Variants in CCSER1 observed in about 807,000 individuals in gnomAD.
The protein encoded by CCSER1 is serine-rich coiled-coil domain-containing protein 1.
A neutral mutation model predicts 82.0 loss-of-function variants in CCSER1; 41 were observed. The observed-to-expected ratio is 0.50, with a 90% CI of 0.39 to 0.65. The LOEUF is 0.65. CCSER1 is among the 30% of genes least tolerant of loss of function. The pLI is 0.00. For missense variants in CCSER1, 1,119 were observed against 1,064.2 expected (o/e 1.05, Z -0.72); for synonymous variants, 414 against 383.9 (o/e 1.08, Z -0.92).
intron 10 of CCSER1, among the ~76,000 whole-genome samples, chr4:91,439,127 A>G (rs1754915986): frequency 6.6e-6 from 1 of 152,210 alleles, no homozygotes; most frequent in African/African-American, 2.4e-5. Flanking sequence ...GGAAATACAG[A>G]GAACGCCACA....
At chr4:91,482,187 G>A (rs1175398170) in intron 10 of CCSER1, among the ~76,000 whole-genome samples, 1 of 149,544 alleles carries the variant, frequency 6.7e-6, no homozygotes, top group East Asian at 2.0e-4. Context: ...TGGATCATGA[G>A]GTCAGGAGAT....
At chr4:91,432,800 G>GT (rs1754408267) in intron 10 of CCSER1, among the ~76,000 whole-genome samples, 1 of 151,924 alleles carries the variant, frequency 6.6e-6, no homozygotes, top group East Asian at 1.9e-4. Context: ...TATATTTCCC[G>GT]TTTTAAAAAA....
At chr4:90,689,235 G>A (rs953489040) in intron 6 of CCSER1, among the ~76,000 whole-genome samples, 7 of 152,058 alleles carry the variant, frequency 4.6e-5, no homozygotes, top group Non-Finnish European at 8.8e-5. Flanking sequence ...CTGGAGAGGG[G>A]AAGCAGGATT....
chr4:90,385,688 C>T (rs1223896792), intron 3 of CCSER1, among the ~76,000 whole-genome samples: 1 of 151,812 alleles, frequency 6.6e-6, no homozygotes, highest in African/African-American at 2.4e-5. Context: ...GTCTTGATCT[C>T]CTGACCTTGT....
At chr4:90,301,567 T>G (rs1733118918) in intron 1 of CCSER1, among the ~76,000 whole-genome samples, 1 of 152,178 alleles carries the variant, frequency 6.6e-6, no homozygotes, top group Admixed American at 6.5e-5. Context: ...AGCATTAAAG[T>G]TATAATTAAA....
At chr4:91,199,883 AC>A (rs1200078155) in intron 10 of CCSER1, among the ~76,000 whole-genome samples, 1 of 152,054 alleles carries the variant, frequency 6.6e-6, no homozygotes, top group Non-Finnish European at 1.5e-5. Context: ...AAGATAATTT[AC>A]CATGCTATTC....
At chr4:90,841,971 G>A (rs181512324) in intron 8 of CCSER1, among the ~76,000 whole-genome samples, 1 of 152,106 alleles carries the variant, frequency 6.6e-6, no homozygotes, top group Admixed American at 6.5e-5. Flanking sequence ...ACATTCTGCT[G>A]TCTGTCTTTT....
chr4:90,474,089 C>T (rs182008940), intron 5 of CCSER1, among the ~76,000 whole-genome samples: 2 of 148,836 alleles, frequency 1.3e-5, no homozygotes, highest in Admixed American at 6.7e-5. Flanking sequence ...TGCAGTGAGC[C>T]GAGATTGCGC....
chr4:90,856,585 CT>C (rs1764487042), intron 8 of CCSER1, among the ~76,000 whole-genome samples: 1 of 152,042 alleles, frequency 6.6e-6, no homozygotes, highest in African/African-American at 2.4e-5. Context: ...AAATAACCAT[CT>C]TCCCCGACGT....
intron 5 of CCSER1, among the ~76,000 whole-genome samples, chr4:90,506,982 C>A (rs187141996): frequency 8.5e-5 from 13 of 152,198 alleles, no homozygotes; most frequent in Admixed American, 7.2e-4. Context: ...CGTTTCAGTT[C>A]TCTTGTCTCA....
At chr4:90,715,608 T>C (rs919873125) in intron 6 of CCSER1, among the ~76,000 whole-genome samples, 2 of 152,016 alleles carry the variant, frequency 1.3e-5, no homozygotes, top group Admixed American at 1.3e-4. Context: ...GAAAGAGGAT[T>C]TAAAAAGCTG....
At chr4:91,018,070 C>T (rs1307176927) in intron 9 of CCSER1, among the ~76,000 whole-genome samples, 1 of 152,036 alleles carries the variant, frequency 6.6e-6, no homozygotes, top group Non-Finnish European at 1.5e-5. Flanking sequence ...GTATATTAAA[C>T]ATATAGAACT....
chr4:91,283,228 G>C (rs1017387107), intron 10 of CCSER1, among the ~76,000 whole-genome samples: 1 of 151,970 alleles, frequency 6.6e-6, no homozygotes, highest in Non-Finnish European at 1.5e-5. Context: ...ATTTAGATGT[G>C]TTCATTCTAA....
chr4:90,824,495 C>T (rs997554418), intron 8 of CCSER1, among the ~76,000 whole-genome samples: 3 of 152,022 alleles, frequency 2.0e-5, no homozygotes, highest in South Asian at 2.1e-4. Context: ...ATATGGCTAA[C>T]TAGCACTTTA....
chr4:90,176,124 A>G (rs925010446), intron 1 of CCSER1, among the ~76,000 whole-genome samples: 2 of 151,932 alleles, frequency 1.3e-5, no homozygotes, highest in African/African-American at 4.8e-5. Flanking sequence ...ACAGGTTAAG[A>G]CGTCTTGGCA....
chr4:90,994,848 G>C (rs923451793), intron 9 of CCSER1, among the ~76,000 whole-genome samples: 7 of 152,140 alleles, frequency 4.6e-5, no homozygotes, highest in African/African-American at 1.7e-4. Flanking sequence ...TTAAAAGTCA[G>C]ATCATGTAGC....
At chr4:91,567,033 A>G (rs967104862) in intron 10 of CCSER1, among the ~76,000 whole-genome samples, 8 of 152,046 alleles carry the variant, frequency 5.3e-5, no homozygotes, top group South Asian at 2.1e-4. Context: ...ATTTAGTGCT[A>G]TGAATTTCCC....
chr4:91,363,384 TGTGTGTGA>T (rs1224032010), intron 10 of CCSER1, among the ~76,000 whole-genome samples: 4,117 of 150,968 alleles, frequency 0.027, 198 homozygotes, highest in African/African-American at 0.094. Flanking sequence ...TGTGTGTGTG[TGTGTGTGA>T]GACAAAAATA....
chr4:90,568,332 T>C (rs556131589), intron 5 of CCSER1, among the ~76,000 whole-genome samples: 2 of 152,366 alleles, frequency 1.3e-5, no homozygotes, highest in East Asian at 3.9e-4. Context: ...TCGCTTTATA[T>C]GTTTAATTGC....
Sources: allele counts gnomAD v4.1 joint callset (sites outside exome capture counted in the v4.1 genomes callset), GRCh38; gene constraint gnomAD v4.1.1; transcripts MANE v1.5; gene names NCBI Gene and HGNC (gene_info 2026-07-23, HGNC 2026-07-21).